PARVB: variants seen among roughly 807,000 people sequenced by gnomAD.
PARVB encodes beta-parvin.
In PARVB, 46 loss-of-function variants were observed where a neutral mutation model predicts 47.0. The ratio of observed to expected loss-of-function variants is 0.98; its 90% confidence interval spans 0.77 to 1.25. The LOEUF (loss-of-function observed/expected upper bound fraction) is 1.25. PARVB is among the 50% of genes most tolerant of loss of function. The pLI, the probability that PARVB is intolerant of heterozygous loss-of-function variation, is 0.00. For missense variants in PARVB, 473 were observed against 471.6 expected (o/e 1.00, Z -0.03); for synonymous variants, 196 against 196.3 (o/e 1.00, Z 0.01).
intron 4 of PARVB, chr22:44,119,855 G>T: frequency 1.9e-6 from 1 of 531,510 alleles, no homozygotes; most frequent in Non-Finnish European, 3.9e-6. Context: ...GAGGACGCCG[G>T]CCTGGCCTGG....
chr22:44,024,587 GA>G (rs2050697848), intron 1 of PARVB, 136 bp downstream of exon 1: 1 of 308,770 alleles, frequency 3.2e-6, no homozygotes, highest in Non-Finnish European at 5.1e-6. Flanking sequence ...CGACCTTCGG[GA>G]CAGGCCAGGC....
upstream of PARVB, among the ~76,000 whole-genome samples, chr22:44,022,880 G>A (rs562531631): frequency 6.6e-6 from 1 of 152,050 alleles, no homozygotes; most frequent in South Asian, 2.1e-4. Flanking sequence ...CCAAGTAGCA[G>A]GGATTACAGG....
At chr22:44,079,398 G>T (rs1373658920) in intron 1 of PARVB, among the ~76,000 whole-genome samples, 1 of 152,204 alleles carries the variant, frequency 6.6e-6, no homozygotes, top group Non-Finnish European at 1.5e-5. Flanking sequence ...TGTTCTTGGG[G>T]ACAAAGAGGA....
intron 2 of PARVB, among the ~76,000 whole-genome samples, chr22:44,094,373 C>T (rs894816507): frequency 3.3e-5 from 5 of 152,156 alleles, no homozygotes; most frequent in African/African-American, 9.6e-5. Flanking sequence ...TGCCACGCCA[C>T]GCCACACCAT....
chr22:44,028,354 C>T (rs1330395152), intron 1 of PARVB, among the ~76,000 whole-genome samples: 1 of 151,628 alleles, frequency 6.6e-6, no homozygotes, highest in African/African-American at 2.4e-5. Flanking sequence ...TTTACTGTAT[C>T]TGTGTTTTTG....
Position 43,999,264 on chromosome 22 carries a change from G to A in PARVB, c.-77G>A, listed in dbSNP as rs187146202. 1,758 of 1,195,754 alleles carry A rather than the reference G, an allele frequency of 1.5e-3. 10 individuals are homozygous for A. The highest frequency in any genetic ancestry group is 7.1e-3 in the Middle Eastern group (27 of 3,798). The allele number at this position is 1,195,754 out of a possible 1,614,324, so 74.1% of individuals were successfully genotyped here. A position where few individuals can be genotyped will look rare whatever the true frequency, so the allele number is the denominator to read the frequency against. ...CATCTCCGGCAGCTCCTTAAACTAA[G>A]AACTCATTTTAATTTCTGAATTCTC... On this transcript the variant is annotated 5_prime_UTR_variant, in exon 1 of 14. Coordinates refer to the PARVB transcript ENST00000406477.
intron 4 of PARVB, among the ~76,000 whole-genome samples, chr22:44,122,528 C>CAGAGAGAGAG (rs1286346736): frequency 1.8e-5 from 1 of 56,118 alleles, no homozygotes; most frequent in Non-Finnish European, 3.8e-5. Flanking sequence ...GACAGAGAGA[C>CAGAGAGAGAG]AGAGAGAGAG....
intron 3 of PARVB, chr22:44,109,480 A>G (rs991816371): frequency 6.6e-6 from 1 of 152,202 alleles, no homozygotes; most frequent in Admixed American, 6.5e-5. Flanking sequence ...AAAAATAATG[A>G]CTAGTGCTAT....
At chr22:44,166,204 G>A (rs959511586) in intron 12 of PARVB, among the ~76,000 whole-genome samples, 29 of 152,192 alleles carry the variant, frequency 1.9e-4, no homozygotes, top group African/African-American at 7.0e-4. Flanking sequence ...CCGCCTCCTA[G>A]GTTCAAGCAA....
At chr22:44,091,990 C>G (rs2052179623) in intron 1 of PARVB, among the ~76,000 whole-genome samples, 1 of 152,162 alleles carries the variant, frequency 6.6e-6, no homozygotes, top group Non-Finnish European at 1.5e-5. Flanking sequence ...CTGAGAGTCC[C>G]ATCACGTGCC....
At chr22:44,156,993 G>T (rs2053949598) in intron 10 of PARVB, among the ~76,000 whole-genome samples, 1 of 152,236 alleles carries the variant, frequency 6.6e-6, no homozygotes, top group African/African-American at 2.4e-5. Flanking sequence ...CTACTGGCCT[G>T]TGCGCTTACA....
intron 1 of PARVB, among the ~76,000 whole-genome samples, chr22:44,031,727 C>G (rs537145617): frequency 5.7e-4 from 86 of 152,044 alleles, no homozygotes; most frequent in African/African-American, 2.0e-3. Context: ...AATTGCTTAC[C>G]CTCGCGCTCC....
intron 2 of PARVB, 130 bp from the exon 3 acceptor site, chr22:44,099,923 G>A: frequency 2.8e-6 from 2 of 726,006 alleles, no homozygotes; most frequent in South Asian, 3.3e-5. Flanking sequence ...GCGGTTCCTT[G>A]CAGTCACCCT....
intron 1 of PARVB, among the ~76,000 whole-genome samples, chr22:44,051,754 T>C (rs530232922): frequency 6.6e-6 from 1 of 152,272 alleles, no homozygotes; most frequent in African/African-American, 2.4e-5. Flanking sequence ...TCTCCAGCCC[T>C]TGGGACTGTC....
At chr22:44,104,825 C>T (rs1159290531) in intron 3 of PARVB, 2 of 152,282 alleles carry the variant, frequency 1.3e-5, no homozygotes, top group Non-Finnish European at 2.9e-5. Flanking sequence ...ACTTCTGACA[C>T]CAATGGCAAG....
chr22:44,052,631 G>A (rs984736649), intron 1 of PARVB, among the ~76,000 whole-genome samples: 4 of 152,138 alleles, frequency 2.6e-5, no homozygotes, highest in African/African-American at 7.2e-5. Flanking sequence ...CCGTGGCTGC[G>A]TCCCCCTGAA....
At chr22:44,073,812 C>G (rs1488355847) in intron 1 of PARVB, among the ~76,000 whole-genome samples, 1 of 152,254 alleles carries the variant, frequency 6.6e-6, no homozygotes, top group African/African-American at 2.4e-5. Context: ...CTGCTTTTCC[C>G]ACACTGGGTC....
At position 44,131,583 on chromosome 22, in the gene PARVB, A is replaced by T. The variant is rs759654567; in HGVS notation, c.473A>T (p.Asp158Val). 3 of 1,614,096 alleles carry T rather than the reference A, an allele frequency of 1.9e-6. No individual in the cohort carries two copies. The highest frequency in any genetic ancestry group is 2.2e-5 in the South Asian group (2 of 91,068). ...KLQTVLEAVH[D>V]LLRPRGWALR... ...CAGACGGTGCTGGAAGCAGTACATG[A>T]CCTGCTGCGGCCCCGAGGCTGGGCG... The change falls in exon 5 of 13, where the codon GAC becomes GTC. Residue 158 changes from aspartate to valine, a missense_variant. By Grantham distance (152) the Asp-to-Val change is radical (BLOSUM62 -3). Coordinates refer to ENST00000338758, the MANE Select transcript of PARVB (RefSeq NM_013327.5).
intron 1 of PARVB, among the ~76,000 whole-genome samples, chr22:44,084,508 A>G (rs1188350201): frequency 6.6e-6 from 1 of 152,234 alleles, no homozygotes; most frequent in Non-Finnish European, 1.5e-5. Context: ...AGAAAGCCCC[A>G]CTGGCCAATC....
Sources: gnomAD v4.1 joint callset for allele counts (sites outside exome capture counted in the v4.1 genomes callset) on GRCh38, gnomAD v4.1.1 for gene constraint, MANE v1.5 for transcripts, NCBI Gene and HGNC (gene_info 2026-07-23, HGNC 2026-07-21) for gene names.